TCIM: variants seen among roughly 807,000 people sequenced by gnomAD.
The protein encoded by TCIM is human thyroid cancer 1.
TCIM carries 5 observed loss-of-function variants against 7.0 expected under a neutral mutation model. That is an observed-to-expected ratio of 0.71 (90% CI 0.37 to 1.50). TCIM has a LOEUF of 1.50. TCIM is among the 40% of genes most tolerant of loss of function. TCIM has a pLI of 0.03. For missense variants in TCIM, 137 were observed against 129.7 expected (o/e 1.06, Z -0.27); for synonymous variants, 66 against 50.3 (o/e 1.31, Z -1.32).
rs1417864038 is a variant in TCIM, at chr8:40,154,270, AATAG to A, written c.*422_*425del. On this transcript the variant is annotated 3_prime_UTR_variant, in exon 1 of 1. Transcript: ENST00000315792. ...GAACTTTTTTTTTTTTTTTTAACCA[AATAG>A]ATAGGGGAAGGGAGGAGGGAGAGGG... 2.4e-6 allele frequency: 1 copy of A among 414,048 alleles called. No homozygotes were observed. Among genetic ancestry groups the A allele is most frequent in the Non-Finnish European group, 4.4e-6 (1 of 227,070 alleles). The allele number at this position is 414,048 out of a possible 1,614,324, so 25.6% of individuals were successfully genotyped here.
Position 40,153,564 on chromosome 8 carries a change from T to A in TCIM, c.32T>A (p.Ile11Asn). 6.2e-7 allele frequency: 1 copy of A among 1,613,798 alleles called. No individual in the cohort carries two copies. The highest frequency in any genetic ancestry group is 8.5e-7 in the Non-Finnish European group (1 of 1,179,810). MKAKRSHQAV[I>N]MSTSLRVSPS... ...GCAAAGCGAAGCCACCAAGCCGTCA[T>A]CATGTCCACGTCGCTACGAGTCAGC... Residue 11 changes from isoleucine to asparagine, a missense_variant, in exon 1 of 1, where the codon ATC (isoleucine) becomes AAC (asparagine). Physicochemically the swap from Ile to Asn is moderately radical, Grantham distance 149 (BLOSUM62 -3). Coordinates refer to ENST00000315792, the MANE Select transcript of TCIM (RefSeq NM_020130.5).
In TCIM at chr8:40,153,912, T is replaced by G. The variant is rs1444774972; in HGVS notation, c.*59T>G. On this transcript the variant is annotated 3_prime_UTR_variant, in exon 1 of 1. Coordinates refer to ENST00000315792, the MANE Select transcript of TCIM (RefSeq NM_020130.5). ...ATGGACATTCAAAGACCAAGTGAGT[T>G]TGTGAGATTCTAACAGATGCAGCAT... The G allele has an allele frequency of 2.8e-6, 4 of 1,450,084 alleles. No individual in the cohort carries two copies. In the African/African-American group the frequency reaches 4.3e-5, roughly 15 times the overall value. 89.8% of individuals were successfully genotyped at this position (1,450,084 alleles called of 1,614,324 possible).
Position 40,153,599 on chromosome 8 carries a change from C to T in TCIM, c.67C>T (p.His23Tyr). The T allele has an allele frequency of 6.2e-7, 1 of 1,614,146 alleles. No homozygotes were observed. Among genetic ancestry groups the T allele is most frequent in the Admixed American group, 1.7e-5 (1 of 60,022 alleles). ...GTCGCTACGAGTCAGCCCATCCATC[C>T]ATGGCTACCACTTCGACACAGCCTC... The part of the protein sequence containing the change: ...STSLRVSPSI[H>Y]GYHFDTASRK... Residue 23 changes from histidine to tyrosine, a missense_variant, in exon 1 of 1, where the codon CAT becomes TAT. Physicochemically the swap from His to Tyr is moderately conservative, Grantham distance 83 (BLOSUM62 2). Coordinates refer to ENST00000315792, the MANE Select transcript of TCIM (RefSeq NM_020130.5).
rs1022211182 is a variant in TCIM, at chr8:40,155,195, T to C, written c.*1342T>C. 2 of 167,082 alleles carry C rather than the reference T, an allele frequency of 1.2e-5. No individual in the cohort carries two copies. The highest frequency in any genetic ancestry group is 2.9e-5 in the Non-Finnish European group (2 of 68,108). The allele number at this position is 167,082 out of a possible 1,614,324, so 10.3% of individuals were successfully genotyped here. A position where few individuals can be genotyped will look rare whatever the true frequency, so the allele number is the denominator to read the frequency against. On this transcript the variant is annotated 3_prime_UTR_variant, in exon 1 of 1. Coordinates refer to ENST00000315792, the MANE Select transcript of TCIM (RefSeq NM_020130.5). ...TGTTTTGGGTTTAGAGTCTGAGTGA[T>C]GACCAAGATTCTGTGTGTTACTACT...
In TCIM at chr8:40,154,122, A is replaced by G; in HGVS notation, c.*269A>G. On this transcript the variant is annotated 3_prime_UTR_variant, in exon 1 of 1. Transcript: ENST00000315792. ...GATTTGAAAACTCTTCCGTCCCTGCAGGAAAGGATTGATGCTGATAGAAGA... is the reference window on the plus strand; with the variant it reads ...GATTTGAAAACTCTTCCGTCCCTGCGGGAAAGGATTGATGCTGATAGAAGA... 1 of 508,582 alleles carries G rather than the reference A, an allele frequency of 2.0e-6. No homozygotes were observed. Among genetic ancestry groups the G allele is most frequent in the Admixed American group, 3.6e-5 (1 of 27,540 alleles). 31.5% of individuals were successfully genotyped at this position (508,582 alleles called of 1,614,324 possible).
chr8:40,153,494 G>A lies in TCIM; in HGVS notation c.-39G>A, dbSNP rs754929477. On this transcript the variant is annotated 5_prime_UTR_variant, in exon 1 of 1. Transcript: ENST00000315792. The stretch of plus-strand genomic sequence containing the variant: ...GAATGATTTCACTACAGACTCTCTG[G>A]AAAGCCTGGGAGCTGAATTCCGGAA... The A allele has an allele frequency of 1.3e-6, 2 of 1,545,966 alleles. No individual in the cohort carries two copies. Among genetic ancestry groups the A allele is most frequent in the South Asian group, 1.2e-5 (1 of 82,822 alleles).
rs1804754415 is a variant in TCIM at position 40,153,929 on chromosome 8, A to C, written c.*76A>C. Reference sequence around the variant, plus strand: ...AAGTGAGTTTGTGAGATTCTAACAGATGCAGCATTTTGCTGCTACCTTACA... The same window carrying C: ...AAGTGAGTTTGTGAGATTCTAACAGCTGCAGCATTTTGCTGCTACCTTACA... On this transcript the variant is annotated 3_prime_UTR_variant, in exon 1 of 1. Coordinates refer to ENST00000315792, the MANE Select transcript of TCIM (RefSeq NM_020130.5). The C allele has an allele frequency of 3.0e-6, 4 of 1,347,790 alleles. No individual in the cohort carries two copies. In the Admixed American group the frequency reaches 8.8e-5, roughly 30 times the overall value. 83.5% of individuals were successfully genotyped at this position (1,347,790 alleles called of 1,614,324 possible). A position where few individuals can be genotyped will look rare whatever the true frequency, so the allele number is the denominator to read the frequency against.
At position 40,153,834 on chromosome 8, in the gene TCIM, A is replaced by G; in HGVS notation, c.302A>G (p.Tyr101Cys). 1 of 1,612,972 alleles carries G rather than the reference A, an allele frequency of 6.2e-7. No individual in the cohort carries two copies. The highest frequency in any genetic ancestry group is 8.5e-7 in the Non-Finnish European group (1 of 1,179,562). The change falls in exon 1 of 1, where the codon TAT (tyrosine) becomes TGT (cysteine). Residue 101 changes from tyrosine (Y) to cysteine (C), a missense_variant. Coordinates refer to ENST00000315792, the MANE Select transcript of TCIM (RefSeq NM_020130.5). ...TTCCAGTTTCTGAAACTGCGGAAAT[A>G]TTCCATCAAAGTTCACTGAAGAGAA... ...KLFQFLKLRK[Y>C]SIKVH
Position 40,154,121 on chromosome 8 carries a change from C to A in TCIM, c.*268C>A, listed in dbSNP as rs1804758038. On this transcript the variant is annotated 3_prime_UTR_variant, in exon 1 of 1. Coordinates refer to ENST00000315792, the MANE Select transcript of TCIM (RefSeq NM_020130.5). ...GGATTTGAAAACTCTTCCGTCCCTG[C>A]AGGAAAGGATTGATGCTGATAGAAG... 3 of 508,946 alleles carry A rather than the reference C, an allele frequency of 5.9e-6. No homozygotes were observed. Among genetic ancestry groups the A allele is most frequent in the East Asian group, 3.0e-5 (1 of 33,762 alleles). 31.5% of individuals were successfully genotyped at this position (508,946 alleles called of 1,614,324 possible). A position where few individuals can be genotyped will look rare whatever the true frequency, so the allele number is the denominator to read the frequency against.
rs570222497 is a variant in TCIM, at chr8:40,153,638, G to T, written c.106G>T (p.Val36Leu). 3 of 1,614,128 alleles carry T rather than the reference G, an allele frequency of 1.9e-6. No homozygotes were observed. The highest frequency in any genetic ancestry group is 2.2e-5 in the South Asian group (2 of 91,080). ...HFDTASRKKA[V>L]GNIFENTDQE... The stretch of plus-strand genomic sequence containing the variant: ...CGACACAGCCTCTCGTAAGAAAGCC[G>T]TGGGCAACATCTTTGAAAACACAGA... Residue 36 changes from valine to leucine, a missense_variant, in exon 1 of 1, where the codon GTG becomes TTG. Transcript: ENST00000315792.
At position 40,153,694 on chromosome 8, in the gene TCIM, C is replaced by T. The variant is rs559157883; in HGVS notation, c.162C>T (p.Asn54=). 1.2e-6 allele frequency: 2 copies of T among 1,614,134 alleles called. No homozygotes were observed. The highest frequency in any genetic ancestry group is 3.3e-5 in the Admixed American group (2 of 60,010). The change falls in exon 1 of 1, where the codon AAC becomes AAT. Residue 54 remains asparagine (N), a synonymous_variant. Transcript: ENST00000315792. Reference sequence around the variant, plus strand: ...AATCACTAGAAAGGCTCTTCAGAAACTCTGGAGACAAGAAAGCAGAGGAGA... The same window carrying T: ...AATCACTAGAAAGGCTCTTCAGAAATTCTGGAGACAAGAAAGCAGAGGAGA... ...DQESLERLFR[N]SGDKKAEERA...
chr8:40,155,167 A>G lies in TCIM; in HGVS notation c.*1314A>G, dbSNP rs543531387. On this transcript the variant is annotated 3_prime_UTR_variant, in exon 1 of 1. Transcript: ENST00000315792. ...TGTGTACATCTATTTTTCCCAAGCA[A>G]TATGTTTTGGGTTTAGAGTCTGAGT... 1 of 167,094 alleles carries G rather than the reference A, an allele frequency of 6.0e-6. No individual in the cohort carries two copies. The highest frequency in any genetic ancestry group is 2.1e-4 in the South Asian group (1 of 4,826). 10.4% of individuals were successfully genotyped at this position (167,094 alleles called of 1,614,324 possible).
chr8:40,153,953 C>A lies in TCIM; in HGVS notation c.*100C>A. ...GATGCAGCATTTTGCTGCTACCTTA[C>A]AAGCTTCTCTTCTGTCAGGACTCCA... On this transcript the variant is annotated 3_prime_UTR_variant, in exon 1 of 1. Transcript: ENST00000315792. The A allele has an allele frequency of 9.0e-7, 1 of 1,110,950 alleles. No homozygotes were observed. The highest frequency in any genetic ancestry group is 1.3e-6 in the Non-Finnish European group (1 of 770,768). The allele number at this position is 1,110,950 out of a possible 1,614,324, so 68.8% of individuals were successfully genotyped here.
chr8:40,154,123 G>A lies in TCIM; in HGVS notation c.*270G>A, dbSNP rs1413212702. 1.2e-5 allele frequency: 6 copies of A among 506,158 alleles called. No homozygotes were observed. Among genetic ancestry groups the A allele is most frequent in the Admixed American group, 7.3e-5 (2 of 27,466 alleles). 31.4% of individuals were successfully genotyped at this position (506,158 alleles called of 1,614,324 possible). On this transcript the variant is annotated 3_prime_UTR_variant, in exon 1 of 1. Coordinates refer to ENST00000315792, the MANE Select transcript of TCIM (RefSeq NM_020130.5). Reference sequence around the variant, plus strand: ...ATTTGAAAACTCTTCCGTCCCTGCAGGAAAGGATTGATGCTGATAGAAGAG... The same window carrying A: ...ATTTGAAAACTCTTCCGTCCCTGCAAGAAAGGATTGATGCTGATAGAAGAG...
Position 40,154,096 on chromosome 8 carries a change from G to T in TCIM, c.*243G>T. On this transcript the variant is annotated 3_prime_UTR_variant, in exon 1 of 1. Transcript: ENST00000315792. ...GAGGAGAACAAAATGCTTTCAGCAA[G>T]GATTTGAAAACTCTTCCGTCCCTGC... The T allele has an allele frequency of 1.9e-6, 1 of 527,012 alleles. No individual in the cohort carries two copies. Among genetic ancestry groups the T allele is most frequent in the South Asian group, 4.1e-5 (1 of 24,196 alleles). The allele number at this position is 527,012 out of a possible 1,614,324, so 32.6% of individuals were successfully genotyped here.
chr8:40,153,740 A>G lies in TCIM; in HGVS notation c.208A>G (p.Ile70Val). 1 of 1,614,134 alleles carries G rather than the reference A, an allele frequency of 6.2e-7. No individual in the cohort carries two copies. Among genetic ancestry groups the G allele is most frequent in the East Asian group, 2.2e-5 (1 of 44,884 alleles). The change falls in exon 1 of 1, where the codon ATA (isoleucine) becomes GTA (valine). Residue 70 changes from isoleucine to valine, a missense_variant. Ile to Val is a conservative substitution (Grantham distance 29). Coordinates refer to ENST00000315792, the MANE Select transcript of TCIM (RefSeq NM_020130.5). ...GGAGAGAGCCAAGATCATTTTTGCC[A>G]TAGATCAAGATGTGGAGGAGAAAAC... ...AEERAKIIFAIDQDVEEKTRA... is the reference protein window; with the variant it reads ...AEERAKIIFAVDQDVEEKTRA...
rs761324185 is a variant in TCIM, at chr8:40,153,602, G to GGCTA, written c.71_74dup (p.Tyr25Ter). On this transcript the variant is annotated stop_gained and frameshift_variant, in exon 1 of 1. Transcript: ENST00000315792. LOFTEE classifies it high-confidence loss of function. The stretch of plus-strand genomic sequence containing the variant: ...GCTACGAGTCAGCCCATCCATCCAT[G>GGCTA]GCTACCACTTCGACACAGCCTCTCG... The GGCTA allele has an allele frequency of 1.2e-6, 2 of 1,614,072 alleles. No homozygotes were observed. Among genetic ancestry groups the GGCTA allele is most frequent in the South Asian group, 2.2e-5 (2 of 91,078 alleles).
In TCIM at chr8:40,154,200, T is replaced by C; in HGVS notation, c.*347T>C. On this transcript the variant is annotated 3_prime_UTR_variant, in exon 1 of 1. Transcript: ENST00000315792. The stretch of plus-strand genomic sequence containing the variant: ...GAAAACAGATGGCTGGAGATGACAT[T>C]TATCCAGGGTCACTTTGTCAGGCCC... The C allele has an allele frequency of 2.4e-6, 1 of 417,022 alleles. No homozygotes were observed. 25.8% of individuals were successfully genotyped at this position (417,022 alleles called of 1,614,324 possible).
At position 40,153,538 on chromosome 8, in the gene TCIM, A is replaced by G. The variant is rs776829094; in HGVS notation, c.6A>G (p.Lys2=). 1.2e-6 allele frequency: 2 copies of G among 1,609,988 alleles called. No individual in the cohort carries two copies. The highest frequency in any genetic ancestry group is 1.7e-5 in the Admixed American group (1 of 59,412). Reference sequence around the variant, plus strand: ...TCCGGAAGATCCCCACATCGATGAAAGCAAAGCGAAGCCACCAAGCCGTCA... The same window carrying G: ...TCCGGAAGATCCCCACATCGATGAAGGCAAAGCGAAGCCACCAAGCCGTCA... M[K]AKRSHQAVIM... Residue 2 remains lysine, a synonymous_variant, in exon 1 of 1, where the codon AAA becomes AAG. Transcript: ENST00000315792.
Sources: gnomAD v4.1 joint callset for allele counts on GRCh38, gnomAD v4.1.1 for gene constraint, MANE v1.5 for transcripts, NCBI Gene and HGNC (gene_info 2026-07-23, HGNC 2026-07-21) for gene names.